Variants in DGKB observed in about 807,000 individuals in gnomAD.
DGKB encodes diacylglycerol kinase beta.
In DGKB, 67 loss-of-function variants were observed where a neutral mutation model predicts 114.3. That is an observed-to-expected ratio of 0.59 (90% CI 0.48 to 0.72). The LOEUF is 0.72. Among genes scored for constraint, DGKB ranks in the 30% least tolerant of loss-of-function variants. The pLI is 0.00. For synonymous variants in DGKB, 398 were observed against 323.1 expected, an observed-to-expected ratio of 1.23 and a Z score of -2.49; for missense variants, 907 against 975.2, an observed-to-expected ratio of 0.93 and a Z score of 0.93.
intron 25 of DGKB, among the ~76,000 whole-genome samples, chr7:14,170,828 G>A (rs986854828): frequency 6.6e-6 from 1 of 152,182 alleles, no homozygotes; most frequent in Non-Finnish European, 1.5e-5. Flanking sequence ...AACTGCAGTA[G>A]CTAGAGCAAC....
At chr7:14,781,838 G>A (rs991708653) in intron 2 of DGKB, among the ~76,000 whole-genome samples, 2 of 151,966 alleles carry the variant, frequency 1.3e-5, no homozygotes, top group African/African-American at 4.8e-5. Context: ...TTTGAATAAT[G>A]CAGTTTTTGT....
chr7:14,193,331 C>T (rs1435307175), intron 23 of DGKB, among the ~76,000 whole-genome samples: 1 of 151,984 alleles, frequency 6.6e-6, no homozygotes, highest in Non-Finnish European at 1.5e-5. Context: ...AACAACATGG[C>T]GCTGGCACAG....
At chr7:14,249,847 T>G (rs1395531896) in intron 23 of DGKB, among the ~76,000 whole-genome samples, 1 of 152,110 alleles carries the variant, frequency 6.6e-6, no homozygotes, top group African/African-American at 2.4e-5. Flanking sequence ...CTCTGACATT[T>G]ATTATTTCCC....
intron 19 of DGKB, among the ~76,000 whole-genome samples, chr7:14,578,155 C>T (rs1447685303): frequency 1.3e-5 from 2 of 152,158 alleles, no homozygotes; most frequent in Admixed American, 1.3e-4. Context: ...TCATTTGCTT[C>T]TCTCACCTGC....
intron 5 of DGKB, among the ~76,000 whole-genome samples, chr7:14,729,885 T>G (rs971909847): frequency 2.0e-5 from 3 of 152,218 alleles, no homozygotes; most frequent in African/African-American, 7.2e-5. Context: ...ATAGGATGCA[T>G]GAATTAATGA....
At chr7:14,330,604 C>T (rs1335856177) in intron 23 of DGKB, among the ~76,000 whole-genome samples, 2 of 151,888 alleles carry the variant, frequency 1.3e-5, no homozygotes, top group Non-Finnish European at 2.9e-5. Flanking sequence ...ATACTGCACA[C>T]CAGATTTTTT....
At chr7:14,228,412 A>G (rs1791172823) in intron 23 of DGKB, among the ~76,000 whole-genome samples, 1 of 151,996 alleles carries the variant, frequency 6.6e-6, no homozygotes, top group Admixed American at 6.6e-5. Flanking sequence ...TGTCCTATCT[A>G]TTGTGAATGG....
chr7:14,789,193 A>G (rs1840316355), intron 2 of DGKB, among the ~76,000 whole-genome samples: 1 of 152,056 alleles, frequency 6.6e-6, no homozygotes, highest in Non-Finnish European at 1.5e-5. Context: ...ATGTCTTGCA[A>G]AATTACAGTA....
chr7:14,973,644 T>C (rs2115316755), intron 1 of DGKB, among the ~76,000 whole-genome samples: 1 of 150,280 alleles, frequency 6.7e-6, no homozygotes, highest in Admixed American at 6.6e-5. Context: ...CACCAAATTA[T>C]GCATTAGAAA....
At chr7:14,643,829 T>C (rs969447542) in intron 13 of DGKB, among the ~76,000 whole-genome samples, 2 of 152,148 alleles carry the variant, frequency 1.3e-5, no homozygotes, top group Non-Finnish European at 2.9e-5. Flanking sequence ...ATGTGTGCCA[T>C]CCAGGAGCCC....
chr7:14,393,270 T>C (rs949759584), intron 21 of DGKB, among the ~76,000 whole-genome samples: 7 of 151,986 alleles, frequency 4.6e-5, no homozygotes, highest in African/African-American at 9.7e-5. Context: ...ATTACAGGCG[T>C]GAGCCACCGC....
chr7:14,179,228 C>T (rs1782266349), intron 23 of DGKB, among the ~76,000 whole-genome samples: 1 of 152,226 alleles, frequency 6.6e-6, no homozygotes, highest in African/African-American at 2.4e-5. Context: ...TCAATAGAAT[C>T]CCACACAGTC....
At chr7:14,769,132 A>G (rs968207397) in intron 2 of DGKB, among the ~76,000 whole-genome samples, 1 of 143,110 alleles carries the variant, frequency 7.0e-6, no homozygotes, top group Admixed American at 7.3e-5. Flanking sequence ...AAAGAGAGAG[A>G]GAGAAAGAAA....
At chr7:14,815,210 G>A (rs1018713013) in intron 2 of DGKB, 10 of 152,106 alleles carry the variant, frequency 6.6e-5, no homozygotes, top group African/African-American at 2.4e-4. Flanking sequence ...ATTCACTGTG[G>A]GACAGGTATC....
chr7:14,702,861 A>C (rs1825450481), intron 6 of DGKB, among the ~76,000 whole-genome samples: 1 of 152,200 alleles, frequency 6.6e-6, no homozygotes, highest in Admixed American at 6.5e-5. Context: ...TAGTCTATAT[A>C]TTGCTAAAAA....
At chr7:14,726,502 T>C (rs1193167801) in intron 5 of DGKB, among the ~76,000 whole-genome samples, 3 of 152,176 alleles carry the variant, frequency 2.0e-5, no homozygotes, top group African/African-American at 7.2e-5. Context: ...CAGAGGAAAC[T>C]GTCTTCTGCC....
At chr7:14,471,492 A>G (rs1781386153) in intron 21 of DGKB, among the ~76,000 whole-genome samples, 1 of 149,508 alleles carries the variant, frequency 6.7e-6, no homozygotes, top group Non-Finnish European at 1.5e-5. Context: ...TGAAAATTGT[A>G]TACTGCTGAC....
At chr7:14,652,836 G>A (rs1277114093) in intron 13 of DGKB, among the ~76,000 whole-genome samples, 2 of 152,060 alleles carry the variant, frequency 1.3e-5, no homozygotes, top group Non-Finnish European at 2.9e-5. Context: ...ATCAAAAAGT[G>A]GGCAAAGTAT....
chr7:14,496,488 C>A (rs1563324257), intron 20 of DGKB, among the ~76,000 whole-genome samples: 1 of 151,498 alleles, frequency 6.6e-6, no homozygotes, highest in Non-Finnish European at 1.5e-5. Flanking sequence ...ATATTTTGCA[C>A]AAAAGCAACA....
Sources: gnomAD v4.1 joint callset for allele counts (sites outside exome capture counted in the v4.1 genomes callset) on GRCh38, gnomAD v4.1.1 for gene constraint, MANE v1.5 for transcripts, NCBI Gene and HGNC (gene_info 2026-07-23, HGNC 2026-07-21) for gene names.